Variants in DTHD1 observed in about 807,000 individuals in gnomAD.
DTHD1 encodes death domain-containing protein 1.
Under a neutral mutation model 74.8 loss-of-function variants are expected in DTHD1, and 59 were observed. The ratio of observed to expected loss-of-function variants is 0.79; its 90% CI spans 0.64 to 0.98. DTHD1 has a LOEUF of 0.98. Among genes scored for constraint, DTHD1 ranks in the 50% least tolerant of loss-of-function variants. The probability of loss-of-function intolerance (pLI) is 0.00; values close to 1 mark genes in which losing one functional copy is unlikely to be tolerated. For missense variants in DTHD1, 1,051 were observed against 1,065.4 expected (o/e 0.99, Z 0.19); for synonymous variants, 365 against 371.1 (o/e 0.98, Z 0.19).
intron 8 of DTHD1, among the ~76,000 whole-genome samples, chr4:36,337,516 T>C (rs368859181): frequency 2.4e-4 from 36 of 152,348 alleles, no homozygotes; most frequent in African/African-American, 8.7e-4. Context: ...ATGGGAATGA[T>C]AGAATCTGCT....
At chr4:36,314,903 A>G (rs1404625006) in intron 7 of DTHD1, among the ~76,000 whole-genome samples, 1 of 152,046 alleles carries the variant, frequency 6.6e-6, no homozygotes, top group Non-Finnish European at 1.5e-5. Context: ...TTCATTTCCT[A>G]AACAATCCTA....
At chr4:36,311,395 C>T (rs973558684) in intron 7 of DTHD1, 2 of 152,090 alleles carry the variant, frequency 1.3e-5, no homozygotes, top group African/African-American at 2.4e-5. Flanking sequence ...CAGGGCCTAG[C>T]GTAGTCTCTG....
rs958315114 is a variant in DTHD1, at chr4:36,327,944, T to A, written c.2341-11168T>A. Among the ~76,000 whole-genome samples, 16 of 152,254 alleles carry A rather than the reference T, an allele frequency of 1.1e-4. No homozygotes were observed. The East Asian group carries it at 2.9e-3, about 28-fold the overall frequency. On this transcript the variant is annotated intron_variant, in intron 8 of 9. Coordinates refer to ENST00000639862, the MANE Select transcript of DTHD1 (RefSeq NM_001170700.3). Reference sequence around the variant, plus strand: ...CCTAAAGCTGTCTTCTTTTGTCCAATCAAGGACTGAGAAATTTATCAATCC... The same window carrying A: ...CCTAAAGCTGTCTTCTTTTGTCCAAACAAGGACTGAGAAATTTATCAATCC...
chr4:36,284,693 A>C, intron 2 of DTHD1, 102 bp downstream of exon 2: 2 of 922,398 alleles, frequency 2.2e-6, no homozygotes, highest in South Asian at 3.8e-5. Flanking sequence ...ACAACAAAAC[A>C]TCATAAAGTG....
rs996896370 is a variant in DTHD1 at position 36,308,079 on chromosome 4, T to C, written c.1806-125T>C. On this transcript the variant is annotated intron_variant, in intron 6 of 9. Transcript: ENST00000639862. Reference sequence around the variant, plus strand: ...TCATTAATGAATCTCACCTGTTGTCTTTGAGAATACTTGATTTTAAAAGAC... The same window carrying C: ...TCATTAATGAATCTCACCTGTTGTCCTTGAGAATACTTGATTTTAAAAGAC... 6.9e-5 allele frequency: 67 copies of C among 976,552 alleles called. No individual in the cohort carries two copies. The African/African-American group carries it at 1.0e-3, about 15-fold the overall frequency. The allele number at this position is 976,552 out of a possible 1,614,324, so 60.5% of individuals were successfully genotyped here.
chr4:36,306,288 G>C lies in DTHD1; in HGVS notation c.1741G>C (p.Asp581His). The change falls in exon 6 of 10, where the codon GAT (aspartate) becomes CAT (histidine). Residue 581 changes from aspartate to histidine, a missense_variant. Physicochemically the swap from Asp to His is moderately conservative, Grantham distance 81. Transcript: ENST00000639862. Reference sequence around the variant, plus strand: ...CCAAGACAGTGGTTGGTGTGGGCTTGATGATGTTGTGAAAACCATACAGAG... The same window carrying C: ...CCAAGACAGTGGTTGGTGTGGGCTTCATGATGTTGTGAAAACCATACAGAG... ...RSQDSGWCGL[D>H]DVVKTIQSGL... The C allele has an allele frequency of 6.4e-7, 1 of 1,551,716 alleles. No individual in the cohort carries two copies. The highest frequency in any genetic ancestry group is 8.7e-7 in the Non-Finnish European group (1 of 1,146,980).
chr4:36,341,133 T>C (rs1759291606), intron 9 of DTHD1, among the ~76,000 whole-genome samples: 1 of 152,100 alleles, frequency 6.6e-6, no homozygotes, highest in African/African-American at 2.4e-5. Flanking sequence ...AGTGAGTTGA[T>C]AGTGAGGAAC....
intron 8 of DTHD1, among the ~76,000 whole-genome samples, chr4:36,328,802 C>T (rs1758503131): frequency 6.6e-6 from 1 of 152,218 alleles, no homozygotes; most frequent in African/African-American, 2.4e-5. Context: ...AGCTACTGCC[C>T]AGCCCCTATT....
rs1279501831 is a variant in DTHD1, at chr4:36,343,697, A to G, written c.2594A>G (p.Lys865Arg). The change falls in exon 10 of 10, where the codon AAA (lysine) becomes AGA (arginine). Residue 865 changes from lysine to arginine, a missense_variant. Transcript: ENST00000639862. Reference protein sequence around the residue: ...WKKSLPTFTDKLRLLARHLRK... With the variant: ...WKKSLPTFTDRLRLLARHLRK... Reference sequence around the variant, plus strand: ...AAATCGCTTCCAACTTTCACCGACAAACTTCGCCTCCTGGCTCGACATCTC... The same window carrying G: ...AAATCGCTTCCAACTTTCACCGACAGACTTCGCCTCCTGGCTCGACATCTC... 10 of 1,551,622 alleles carry G rather than the reference A, an allele frequency of 6.4e-6. No individual in the cohort carries two copies. The African/African-American group carries it at 1.4e-4, about 21-fold the overall frequency.
chr4:36,283,214 T>A (rs939234265), intron 1 of DTHD1, among the ~76,000 whole-genome samples: 2 of 152,130 alleles, frequency 1.3e-5, no homozygotes, highest in African/African-American at 4.8e-5. Context: ...AGAAGCAGGA[T>A]GAACAAATAG....
chr4:36,337,249 TG>T (rs1425990515), intron 8 of DTHD1, among the ~76,000 whole-genome samples: 3 of 152,048 alleles, frequency 2.0e-5, no homozygotes, highest in Non-Finnish European at 4.4e-5. Flanking sequence ...AGGGGCCACA[TG>T]GGAGACCAAC....
At chr4:36,307,683 T>G (rs1757140276) in intron 6 of DTHD1, among the ~76,000 whole-genome samples, 1 of 152,246 alleles carries the variant, frequency 6.6e-6, no homozygotes, top group Non-Finnish European at 1.5e-5. Flanking sequence ...GTATACATTC[T>G]GCATCCTATG....
At position 36,343,647 on chromosome 4, in the gene DTHD1, C is replaced by T. The variant is rs910171439; in HGVS notation, c.2544C>T (p.Ile848=). 5.2e-6 allele frequency: 8 copies of T among 1,551,912 alleles called. No individual in the cohort carries two copies. Among genetic ancestry groups the T allele is most frequent in the Non-Finnish European group, 7.0e-6 (8 of 1,146,978 alleles). ...ACCCTGATGATCTCACAGAACAGAT[C>T]CACGAGTTTCTTTGCTTCTGGAAAA... is the stretch of plus-strand genomic sequence containing the variant. ...LKNPDDLTEQ[I]HEFLCFWKKS... is the part of the protein sequence containing the mutation. The change falls in exon 10 of 10, where the codon ATC becomes ATT. Residue 848 remains isoleucine, a synonymous_variant. Transcript: ENST00000639862.
intron 8 of DTHD1, among the ~76,000 whole-genome samples, chr4:36,330,731 TG>T (rs1758613796): frequency 1.3e-5 from 2 of 152,172 alleles, no homozygotes. Context: ...ACCATTGTTA[TG>T]GGTTTGCAAT....
rs1284860266 is a variant in DTHD1, at chr4:36,289,920, G to C, written c.888-453G>C. ...ATCATCATTTGATCTAGTGTGTTTAGACAATTCTAATACTTCATATATGTT... is the reference window on the plus strand; with the variant it reads ...ATCATCATTTGATCTAGTGTGTTTACACAATTCTAATACTTCATATATGTT... On this transcript the variant is annotated intron_variant, in intron 2 of 9. Transcript: ENST00000639862. Among the ~76,000 whole-genome samples, 3 of 151,660 alleles carry C rather than the reference G, an allele frequency of 2.0e-5. No homozygotes were observed. The East Asian group carries it at 5.8e-4, about 29-fold the overall frequency.
intron 5 of DTHD1, among the ~76,000 whole-genome samples, chr4:36,304,491 G>C (rs1466796353): frequency 6.6e-6 from 1 of 152,182 alleles, no homozygotes; most frequent in African/African-American, 2.4e-5. Flanking sequence ...ATGGGTCATA[G>C]GACAGGTCAA....
intron 7 of DTHD1, among the ~76,000 whole-genome samples, chr4:36,312,487 T>C (rs1433977654): frequency 1.3e-5 from 2 of 151,530 alleles, no homozygotes; most frequent in African/African-American, 2.4e-5. Flanking sequence ...GAAAAGTGAA[T>C]TATAGAAGAA....
At chr4:36,322,369 G>A (rs1197814419) in intron 8 of DTHD1, among the ~76,000 whole-genome samples, 1 of 152,184 alleles carries the variant, frequency 6.6e-6, no homozygotes. Context: ...GGAGGACAGT[G>A]AGAAGTGCCA....
chr4:36,334,058 G>A (rs1273607608), intron 8 of DTHD1: 1 of 152,162 alleles, frequency 6.6e-6, no homozygotes, highest in Non-Finnish European at 1.5e-5. Flanking sequence ...TTGTCCTGAT[G>A]TGACGTTAGA....
Sources: allele counts gnomAD v4.1 joint callset (sites outside exome capture counted in the v4.1 genomes callset), GRCh38; gene constraint gnomAD v4.1.1; transcripts MANE v1.5; gene names NCBI Gene and HGNC (gene_info 2026-07-23, HGNC 2026-07-21).